The following PLCB4 variants were observed in gnomAD, a reference collection of about 807,000 sequenced individuals.
PLCB4 encodes the protein 1-phosphatidylinositol 4,5-bisphosphate phosphodiesterase beta-4.
Under a neutral mutation model 178.8 loss-of-function variants are expected in PLCB4, and 77 were observed. The ratio of observed to expected loss-of-function variants is 0.43; its 90% CI spans 0.36 to 0.52. The LOEUF is 0.52. Ranked by LOEUF, PLCB4 falls within the 20% of genes least tolerant of loss-of-function variation. The pLI, the probability that PLCB4 is intolerant of heterozygous loss-of-function variation, is 0.00. For missense variants in PLCB4, 1,024 were observed against 1,453.4 expected, an observed-to-expected ratio of 0.70 and a Z score of 4.80; for synonymous variants, 496 against 490.8, an observed-to-expected ratio of 1.01 and a Z score of -0.14.
In PLCB4 at chr20:9,223,189, G is replaced by T. The variant is rs1046098259; in HGVS notation, c.-16+5737G>T. On this transcript the variant is annotated intron_variant, in intron 3 of 39. Coordinates refer to ENST00000378473, the MANE Select transcript of PLCB4 (RefSeq NM_001377142.1). ...GGGGGAGGATTCTAGAAAAGTTTGGGTATAATACTTTTATGCAAACTCATG... is the reference window on the plus strand; with the variant it reads ...GGGGGAGGATTCTAGAAAAGTTTGGTTATAATACTTTTATGCAAACTCATG... 3.9e-5 allele frequency among the ~76,000 whole-genome samples: 6 copies of T among 152,160 alleles called. No individual in the cohort carries two copies. The East Asian group carries it at 1.2e-3, about 29-fold the overall frequency.
chr20:9,457,638 G>A lies in PLCB4; in HGVS notation c.3072+149G>A, dbSNP rs138911909. The A allele has an allele frequency of 3.0e-3, 1,855 of 616,100 alleles. 33 individuals are homozygous for A. In the African/African-American group the frequency reaches 0.031, roughly 10 times the overall value. 38.2% of individuals were successfully genotyped at this position (616,100 alleles called of 1,614,324 possible). On this transcript the variant is annotated intron_variant, in intron 34 of 39. Transcript: ENST00000378473. ...ATCTGGGATGTCAGGGGAGCCCAGG[G>A]TTCATGTTTGCCTCAGACTCACTGG... is the stretch of plus-strand genomic sequence containing the variant.
chr20:9,353,479 T>A (rs886743093), intron 7 of PLCB4, among the ~76,000 whole-genome samples: 3 of 152,228 alleles, frequency 2.0e-5, no homozygotes, highest in African/African-American at 7.2e-5. Flanking sequence ...AGAACTTGTT[T>A]AATTTTTACT....
chr20:9,413,519 C>T (rs1447773972), intron 25 of PLCB4, among the ~76,000 whole-genome samples: 2 of 151,810 alleles, frequency 1.3e-5, no homozygotes, highest in South Asian at 2.1e-4. Flanking sequence ...ATTAGCCGGG[C>T]GTGGTGGCGG....
At chr20:9,162,255 T>G (rs1296814882) in intron 2 of PLCB4, among the ~76,000 whole-genome samples, 1 of 152,182 alleles carries the variant, frequency 6.6e-6, no homozygotes, top group Non-Finnish European at 1.5e-5. Flanking sequence ...AAGTCAATCT[T>G]TTGCAAGGTT....
At chr20:9,085,142 A>T (rs931326673) in intron 1 of PLCB4, among the ~76,000 whole-genome samples, 13 of 151,792 alleles carry the variant, frequency 8.6e-5, no homozygotes, top group African/African-American at 3.1e-4. Context: ...CTATTTTATT[A>T]GTTAGGTAAT....
intron 4 of PLCB4, among the ~76,000 whole-genome samples, chr20:9,318,313 C>T (rs866589036): frequency 1.3e-5 from 2 of 151,758 alleles, no homozygotes; most frequent in African/African-American, 4.8e-5. Flanking sequence ...GTCTAGGCTT[C>T]TGCTGATTGG....
At chr20:9,306,637 T>G (rs2094770619) in intron 3 of PLCB4, among the ~76,000 whole-genome samples, 1 of 152,218 alleles carries the variant, frequency 6.6e-6, no homozygotes, top group South Asian at 2.1e-4. Context: ...TCCTTGGGTG[T>G]AAGTTTTACT....
intron 2 of PLCB4, among the ~76,000 whole-genome samples, chr20:9,115,414 A>C (rs1306689207): frequency 6.7e-6 from 1 of 148,506 alleles, no homozygotes; most frequent in Non-Finnish European, 1.5e-5. Context: ...TTATGAATAG[A>C]TTTTTAAAAC....
intron 2 of PLCB4, among the ~76,000 whole-genome samples, chr20:9,214,276 C>G (rs1269609393): frequency 1.3e-5 from 2 of 152,116 alleles, no homozygotes; most frequent in African/African-American, 4.8e-5. Flanking sequence ...CTGTGATTCA[C>G]TTGGAGCTAA....
chr20:9,355,204 C>T (rs566001860), intron 7 of PLCB4, among the ~76,000 whole-genome samples: 1 of 152,152 alleles, frequency 6.6e-6, no homozygotes, highest in Non-Finnish European at 1.5e-5. Context: ...TAAATACTGA[C>T]AATTTAATGC....
intron 2 of PLCB4, among the ~76,000 whole-genome samples, chr20:9,105,044 T>TA (rs2091311033): frequency 6.6e-6 from 1 of 152,060 alleles, no homozygotes; most frequent in Admixed American, 6.6e-5. Context: ...GCTTGATTTT[T>TA]AAAAAAATGA....
At chr20:9,396,726 T>A (rs1446707769) in intron 19 of PLCB4, among the ~76,000 whole-genome samples, 1 of 152,162 alleles carries the variant, frequency 6.6e-6, no homozygotes, top group Admixed American at 6.5e-5. Context: ...TGCAAAAAAA[T>A]TATTCACAAG....
At chr20:9,389,641 G>T (rs1403535494) in intron 15 of PLCB4, among the ~76,000 whole-genome samples, 3 of 152,138 alleles carry the variant, frequency 2.0e-5, no homozygotes, top group Non-Finnish European at 4.4e-5. Context: ...TAAGTTAATA[G>T]CACCATAATT....
At chr20:9,357,899 A>C (rs892546330) in intron 7 of PLCB4, among the ~76,000 whole-genome samples, 13 of 152,338 alleles carry the variant, frequency 8.5e-5, no homozygotes, top group Admixed American at 5.9e-4. Flanking sequence ...GAGAACTCCA[A>C]GTTGAGGGGG....
At chr20:9,447,231 T>C (rs536953528) in intron 32 of PLCB4, among the ~76,000 whole-genome samples, 5 of 152,338 alleles carry the variant, frequency 3.3e-5, no homozygotes, top group Admixed American at 3.3e-4. Context: ...CTTAAAACAA[T>C]GACCATTTAT....
At chr20:9,121,283 T>A (rs1372921875) in intron 2 of PLCB4, among the ~76,000 whole-genome samples, 1 of 152,174 alleles carries the variant, frequency 6.6e-6, no homozygotes, top group African/African-American at 2.4e-5. Flanking sequence ...CTATTTTTTT[T>A]AACTAGTTTT....
rs953610815 is a variant in PLCB4 at position 9,437,094 on chromosome 20, C to T, written c.2706C>T (p.Ser902=). The T allele has an allele frequency of 5.6e-6, 9 of 1,613,956 alleles. No individual in the cohort carries two copies. In the African/African-American group the frequency reaches 1.1e-4, roughly 19 times the overall value. Residue 902 remains serine, a synonymous_variant, in exon 30 of 40, where the codon AGC becomes AGT. Transcript: ENST00000378473. ...AAGCAAATGTGACCCCTCAGAGTAG[C>T]TCTGAGCTCAGACCAACCACCACGG... ...TAKANVTPQS[S]SELRPTTTAA... is the part of the protein sequence containing the mutation.
chr20:9,226,252 T>C (rs1464885717), intron 3 of PLCB4, among the ~76,000 whole-genome samples: 1 of 152,174 alleles, frequency 6.6e-6, no homozygotes, highest in East Asian at 1.9e-4. Flanking sequence ...TAAGAAACTG[T>C]TGCAACAGTT....
chr20:9,377,748 T>C (rs990087765), intron 12 of PLCB4, among the ~76,000 whole-genome samples: 15 of 152,230 alleles, frequency 9.9e-5, no homozygotes, highest in African/African-American at 3.6e-4. Flanking sequence ...ACCCTCTGAC[T>C]AAATTTTAAT....
Sources: gnomAD v4.1 joint callset for allele counts (sites outside exome capture counted in the v4.1 genomes callset) on GRCh38, gnomAD v4.1.1 for gene constraint, MANE v1.5 for transcripts, NCBI Gene and HGNC (gene_info 2026-07-23, HGNC 2026-07-21) for gene names.